The following TNR variants were observed in gnomAD, a reference collection of about 807,000 sequenced individuals.
TNR encodes tenascin-R.
In TNR, 45 loss-of-function variants were observed where a neutral mutation model predicts 150.4. The observed-to-expected ratio is 0.30, with a 90% confidence interval of 0.24 to 0.38. The LOEUF (loss-of-function observed/expected upper bound fraction) is 0.38. Ranked by LOEUF, TNR falls within the 10% of genes least tolerant of loss-of-function variation. The probability of loss-of-function intolerance (pLI) is 1.00; values close to 1 mark genes in which losing one functional copy is unlikely to be tolerated. For missense variants in TNR, 1,544 were observed against 1,759.1 expected, an observed-to-expected ratio of 0.88 and a Z score of 2.19; for synonymous variants, 687 against 678.4, an observed-to-expected ratio of 1.01 and a Z score of -0.20.
chr1:175,349,511 C>T (rs150348899), intron 18 of TNR, among the ~76,000 whole-genome samples: 7 of 152,088 alleles, frequency 4.6e-5, no homozygotes, highest in Admixed American at 1.3e-4. Context: ...AACCCAATAC[C>T]GCTTACATAT....
chr1:175,669,664 A>G (rs1271936841), intron 1 of TNR, among the ~76,000 whole-genome samples: 2 of 152,184 alleles, frequency 1.3e-5, no homozygotes, highest in Non-Finnish European at 2.9e-5. Flanking sequence ...CAGGGTTTCC[A>G]GAGGGTGCAG....
At chr1:175,390,673 T>C (rs1225270246) in intron 7 of TNR, among the ~76,000 whole-genome samples, 2 of 152,248 alleles carry the variant, frequency 1.3e-5, no homozygotes, top group Admixed American at 6.5e-5. Context: ...CCTTGAACAG[T>C]GACCCAACCC....
chr1:175,404,066 G>A (rs544130241), intron 3 of TNR, among the ~76,000 whole-genome samples: 2 of 152,240 alleles, frequency 1.3e-5, no homozygotes, highest in South Asian at 4.2e-4. Context: ...GGTGCTCTGG[G>A]CAGTGCAGGT....
At chr1:175,476,716 C>T (rs953796439) in intron 2 of TNR, among the ~76,000 whole-genome samples, 36 of 152,286 alleles carry the variant, frequency 2.4e-4, no homozygotes, top group African/African-American at 7.7e-4. Context: ...AAAGCATTAT[C>T]GGGTAATAAC....
At chr1:175,714,022 C>G (rs915371994) in intron 1 of TNR, among the ~76,000 whole-genome samples, 1 of 152,022 alleles carries the variant, frequency 6.6e-6, no homozygotes, top group African/African-American at 2.4e-5. Flanking sequence ...TGTGCCTTCT[C>G]TTTGTCTCTT....
chr1:175,500,389 G>A (rs555291519), intron 2 of TNR, among the ~76,000 whole-genome samples: 2 of 152,288 alleles, frequency 1.3e-5, no homozygotes, highest in East Asian at 3.9e-4. Flanking sequence ...GCCTGGGAGG[G>A]CCTCCAAAGC....
rs147011088 is a variant in TNR, at chr1:175,398,152, C to G, written c.977-1345G>C. The stretch of plus-strand genomic sequence containing the variant: ...CTCATTGTACTCACATGTGCACCCT[C>G]AAATCCTCAGCAAAGACAGAGACAC... On this transcript the variant is annotated intron_variant, in intron 4 of 22. Transcript: ENST00000367674. Among the ~76,000 whole-genome samples the G allele has an allele frequency of 4.5e-4, 68 of 152,278 alleles. No homozygotes were observed. The East Asian group carries it at 0.011, about 24-fold the overall frequency.
intron 1 of TNR, among the ~76,000 whole-genome samples, chr1:175,678,487 T>A (rs1434687150): frequency 1.3e-5 from 2 of 152,136 alleles, no homozygotes; most frequent in Non-Finnish European, 2.9e-5. Context: ...TCGTCACCCC[T>A]CATTTCACAG....
At chr1:175,519,851 C>T (rs2102168315) in intron 2 of TNR, among the ~76,000 whole-genome samples, 1 of 152,172 alleles carries the variant, frequency 6.6e-6, no homozygotes, top group East Asian at 1.9e-4. Flanking sequence ...CTTACAAAAG[C>T]CTGCCTGATT....
intron 1 of TNR, among the ~76,000 whole-genome samples, chr1:175,717,017 T>C (rs1403391837): frequency 1.3e-5 from 2 of 152,194 alleles, no homozygotes; most frequent in Non-Finnish European, 2.9e-5. Flanking sequence ...AGCACTTACT[T>C]ATACATTAGC....
intron 4 of TNR, among the ~76,000 whole-genome samples, chr1:175,400,141 G>A (rs896032208): frequency 3.3e-5 from 5 of 152,224 alleles, no homozygotes; most frequent in Admixed American, 2.6e-4. Flanking sequence ...ACAAATGGTT[G>A]AATGTGCTTT....
At chr1:175,613,746 A>T (rs549106196) in intron 1 of TNR, among the ~76,000 whole-genome samples, 6 of 152,272 alleles carry the variant, frequency 3.9e-5, no homozygotes, top group African/African-American at 1.4e-4. Context: ...TCAGGAAAAC[A>T]CTGTCAGCAA....
At chr1:175,449,663 T>A (rs1204987156) in intron 2 of TNR, among the ~76,000 whole-genome samples, 1 of 139,484 alleles carries the variant, frequency 7.2e-6, no homozygotes, top group African/African-American at 2.7e-5. Context: ...TACTGAGACT[T>A]TACCAACAGG....
At chr1:175,362,879 A>T in intron 13 of TNR, 70 bp from the exon 14 acceptor site, 2 of 1,586,768 alleles carry the variant, frequency 1.3e-6, no homozygotes, top group East Asian at 2.2e-5. Context: ...GGTACAGTCT[A>T]TGTCAATAAA....
At chr1:175,355,885 A>G (rs1318543819) in intron 16 of TNR, among the ~76,000 whole-genome samples, 1 of 152,144 alleles carries the variant, frequency 6.6e-6, no homozygotes, top group Non-Finnish European at 1.5e-5. Context: ...CATCTTCCAC[A>G]CTGACCTTCT....
At chr1:175,494,637 T>G (rs1359991827) in intron 2 of TNR, among the ~76,000 whole-genome samples, 1 of 152,172 alleles carries the variant, frequency 6.6e-6, no homozygotes, top group East Asian at 1.9e-4. Flanking sequence ...ACTTTTGTAT[T>G]TATATGTCTG....
intron 1 of TNR, among the ~76,000 whole-genome samples, chr1:175,668,646 C>T (rs1367968163): frequency 1.3e-5 from 2 of 152,216 alleles, no homozygotes; most frequent in African/African-American, 4.8e-5. Context: ...CCGGACACAG[C>T]TGTAATGAGC....
At chr1:175,382,900 CAA>C (rs71129507) in intron 8 of TNR, among the ~76,000 whole-genome samples, 26 of 103,608 alleles carry the variant, frequency 2.5e-4, no homozygotes, top group African/African-American at 1.1e-4. Context: ...GACTCCATCT[CAA>C]AAAAAAAAAA....
In TNR at chr1:175,675,463, A is replaced by C. The variant is rs74127400; in HGVS notation, c.-165+67763T>G. 1.4e-3 allele frequency among the ~76,000 whole-genome samples: 210 copies of C among 152,232 alleles called. 1 individual carries two copies. The highest frequency in any genetic ancestry group is 4.8e-3 in the African/African-American group (201 of 41,544). ...CACAGGTGCATGCACACACAATCGC[A>C]TTGTGTGAGTGTGCAGTGTATACAT... On this transcript the variant is annotated intron_variant, in intron 1 of 22. Transcript: ENST00000367674.
Sources: gnomAD v4.1 joint callset for allele counts (sites outside exome capture counted in the v4.1 genomes callset) on GRCh38, gnomAD v4.1.1 for gene constraint, MANE v1.5 for transcripts, NCBI Gene and HGNC (gene_info 2026-07-23, HGNC 2026-07-21) for gene names.